COL24A1: variants seen among roughly 807,000 people sequenced by gnomAD.
The protein encoded by COL24A1 is collagen alpha-1(XXIV) chain.
Under a neutral mutation model 253.9 loss-of-function variants are expected in COL24A1, and 224 were observed. The ratio of observed to expected loss-of-function variants is 0.88; its 90% CI spans 0.79 to 0.99. The LOEUF (loss-of-function observed/expected upper bound fraction) is 0.99, where lower values mean the gene tolerates loss of function less well. COL24A1 is among the 50% of genes least tolerant of loss of function. The pLI, the probability that COL24A1 is intolerant of heterozygous loss-of-function variation, is 0.00. For missense variants in COL24A1, 2,131 were observed against 2,068.5 expected (o/e 1.03, Z -0.59); for synonymous variants, 685 against 673.7 (o/e 1.02, Z -0.26).
intron 20 of COL24A1, among the ~76,000 whole-genome samples, chr1:85,977,337 C>A (rs984665284): frequency 2.0e-5 from 3 of 152,196 alleles, no homozygotes; most frequent in Admixed American, 6.5e-5. Context: ...AAAGACCACA[C>A]TGGCTCCCCA....
intron 2 of COL24A1, among the ~76,000 whole-genome samples, chr1:86,129,662 T>C (rs1572021991): frequency 6.6e-6 from 1 of 151,874 alleles, no homozygotes; most frequent in East Asian, 1.9e-4. Context: ...CCAAGTGGTT[T>C]AAGAAAAAAG....
chr1:86,066,774 G>A (rs1407027248), intron 7 of COL24A1, among the ~76,000 whole-genome samples: 1 of 152,056 alleles, frequency 6.6e-6, no homozygotes, highest in Non-Finnish European at 1.5e-5. Context: ...TGTGAATACT[G>A]GAATCTATCA....
intron 24 of COL24A1, among the ~76,000 whole-genome samples, chr1:85,927,104 C>T (rs955211730): frequency 9.2e-5 from 14 of 152,114 alleles, no homozygotes; most frequent in South Asian, 2.1e-4. Flanking sequence ...GGAACAGCTC[C>T]GGTCTACAGC....
intron 50 of COL24A1, 28 bp downstream of exon 50, chr1:85,784,085 A>T (rs768707124): frequency 6.4e-7 from 1 of 1,558,988 alleles, no homozygotes; most frequent in Non-Finnish European, 8.8e-7. Flanking sequence ...AGATAGCTAG[A>T]AGACTAGAAG....
Position 86,126,231 on chromosome 1 carries a change from G to C in COL24A1, c.122-17C>G. ...TATCTATGCCTGGAAATTTAAAAAA[G>C]AGAGAGAGAAAGAATCTTAATTTTA... On this transcript the variant is annotated splice_polypyrimidine_tract_variant and intron_variant, in intron 2 of 59. Transcript: ENST00000370571. 6.4e-7 allele frequency: 1 copy of C among 1,551,328 alleles called. No individual in the cohort carries two copies. The highest frequency in any genetic ancestry group is 8.6e-7 in the Non-Finnish European group (1 of 1,157,964).
intron 39 of COL24A1, among the ~76,000 whole-genome samples, chr1:85,842,802 C>T (rs895091698): frequency 1.4e-4 from 22 of 152,096 alleles, no homozygotes; most frequent in African/African-American, 5.1e-4. Context: ...ACTCCATACT[C>T]ATTGTTAGTT....
At chr1:85,870,746 G>A (rs1392438892) in intron 35 of COL24A1, among the ~76,000 whole-genome samples, 3 of 152,136 alleles carry the variant, frequency 2.0e-5, no homozygotes, top group South Asian at 2.1e-4. Context: ...GAGAAAGCAG[G>A]AAAGATCTAA....
At chr1:85,860,108 A>G (rs1678968120) in intron 37 of COL24A1, among the ~76,000 whole-genome samples, 2 of 152,226 alleles carry the variant, frequency 1.3e-5, no homozygotes, top group Admixed American at 6.5e-5. Context: ...TCTCAGAAGT[A>G]TCACATCATA....
chr1:85,918,063 A>G (rs567458859), intron 24 of COL24A1, among the ~76,000 whole-genome samples: 5 of 150,912 alleles, frequency 3.3e-5, no homozygotes, highest in African/African-American at 1.2e-4. Context: ...CTGTGAAATT[A>G]TTTTTGATAT....
At chr1:85,827,198 C>T (rs557564898) in intron 43 of COL24A1, among the ~76,000 whole-genome samples, 18 of 152,010 alleles carry the variant, frequency 1.2e-4, no homozygotes, top group African/African-American at 4.3e-4. Flanking sequence ...TGGTTTTTGT[C>T]TTTGGTTCTG....
At chr1:85,985,405 C>T (rs1381092403) in intron 20 of COL24A1, among the ~76,000 whole-genome samples, 1 of 151,616 alleles carries the variant, frequency 6.6e-6, no homozygotes, top group East Asian at 1.9e-4. Context: ...CAGAATTATA[C>T]AGAGAGGGTT....
intron 5 of COL24A1, among the ~76,000 whole-genome samples, chr1:86,096,042 A>G (rs17128824): frequency 0.019 from 2,906 of 152,240 alleles, 79 homozygotes; most frequent in East Asian, 0.098. Flanking sequence ...GAAAACACCA[A>G]ACAATTCATT....
Position 85,783,573 on chromosome 1 carries a change from A to G in COL24A1, c.4222-15T>C. 1 of 1,609,980 alleles carries G rather than the reference A, an allele frequency of 6.2e-7. No homozygotes were observed. The highest frequency in any genetic ancestry group is 8.5e-7 in the Non-Finnish European group (1 of 1,177,014). On this transcript the variant is annotated splice_polypyrimidine_tract_variant and intron_variant, in intron 50 of 59. Transcript: ENST00000370571. ...CCTTCAGGACCCTAGACATACAATA[A>G]GAAACAAAAAGATAAAATTTGTAGC... is the stretch of plus-strand genomic sequence containing the variant.
intron 20 of COL24A1, among the ~76,000 whole-genome samples, chr1:85,982,491 C>T (rs77480927): frequency 0.013 from 1,927 of 148,490 alleles, 33 homozygotes; most frequent in Middle Eastern, 0.046. Context: ...CTGCTTTCTA[C>T]CTTTTTTTTT....
At chr1:86,132,340 C>T (rs1235282330) in intron 2 of COL24A1, among the ~76,000 whole-genome samples, 1 of 152,120 alleles carries the variant, frequency 6.6e-6, no homozygotes, top group Non-Finnish European at 1.5e-5. Flanking sequence ...ATAGTAGTTT[C>T]TTTTGCTGTG....
intron 31 of COL24A1, among the ~76,000 whole-genome samples, chr1:85,895,484 A>G (rs1683583824): frequency 6.6e-6 from 1 of 152,196 alleles, no homozygotes; most frequent in South Asian, 2.1e-4. Flanking sequence ...GTTTTACAGT[A>G]AAAGTAATTT....
chr1:85,910,867 G>C (rs913812337), intron 25 of COL24A1, among the ~76,000 whole-genome samples: 3 of 151,834 alleles, frequency 2.0e-5, no homozygotes, highest in African/African-American at 4.8e-5. Flanking sequence ...AATTAGGAAG[G>C]ATGAGAGGAG....
intron 32 of COL24A1, among the ~76,000 whole-genome samples, chr1:85,878,656 C>T (rs956814870): frequency 3.9e-5 from 6 of 152,186 alleles, no homozygotes; most frequent in Admixed American, 3.3e-4. Context: ...AAAAAACTGC[C>T]ATACTGTCTT....
At chr1:86,114,609 A>G (rs762582601) in intron 4 of COL24A1, among the ~76,000 whole-genome samples, 24 of 152,310 alleles carry the variant, frequency 1.6e-4, no homozygotes, top group Admixed American at 1.3e-3. Context: ...TAGGCCTCAA[A>G]TGGACAAGAG....
Sources: allele counts gnomAD v4.1 joint callset (sites outside exome capture counted in the v4.1 genomes callset), GRCh38; gene constraint gnomAD v4.1.1; transcripts MANE v1.5; gene names NCBI Gene and HGNC (gene_info 2026-07-23, HGNC 2026-07-21).